The following ATP5PB variants were observed in gnomAD, a reference collection of about 807,000 sequenced individuals.
ATP5PB encodes ATP synthase peripheral stalk-membrane subunit b, also known as ATP synthase peripheral stalk subunit b, mitochondrial.
In ATP5PB, 21 loss-of-function variants were observed where a neutral mutation model predicts 34.5. The ratio of observed to expected loss-of-function variants is 0.61; its 90% confidence interval spans 0.43 to 0.88. ATP5PB has a LOEUF of 0.88. Ranked by LOEUF, ATP5PB falls within the 40% of genes least tolerant of loss-of-function variation. ATP5PB has a pLI of 0.00. For missense variants in ATP5PB, 293 were observed against 317.4 expected (o/e 0.92, Z 0.58); for synonymous variants, 108 against 114.1 (o/e 0.95, Z 0.34).
chr1:111,459,512 A>G lies in ATP5PB; in HGVS notation c.569A>G (p.Tyr190Cys). 6.2e-7 allele frequency: 1 copy of G among 1,613,974 alleles called. No homozygotes were observed. The highest frequency in any genetic ancestry group is 8.5e-7 in the Non-Finnish European group (1 of 1,179,854). The change falls in exon 6 of 7, where the codon TAT becomes TGT. Residue 190 changes from tyrosine to cysteine, a missense_variant. Tyr to Cys is a radical substitution (Grantham distance 194). Transcript: ENST00000369722. ...VTYRERLYRV[Y>C]KEVKNRLDYH... is the part of the protein sequence containing the mutation. Reference sequence around the variant, plus strand: ...TACCGGGAACGACTGTATAGAGTATATAAGGAAGTAAAGAATCGCCTGGAC... The same window carrying G: ...TACCGGGAACGACTGTATAGAGTATGTAAGGAAGTAAAGAATCGCCTGGAC...
chr1:111,450,995 C>T (rs1300775604), intron 2 of ATP5PB, among the ~76,000 whole-genome samples: 2 of 152,182 alleles, frequency 1.3e-5, no homozygotes, highest in Admixed American at 6.5e-5. Context: ...CTTCCACTAC[C>T]GCTAAAGTAG....
Position 111,454,280 on chromosome 1 carries a change from A to G in ATP5PB, c.147A>G (p.Glu49=). The G allele has an allele frequency of 6.2e-7, 1 of 1,613,556 alleles. No individual in the cohort carries two copies. Among genetic ancestry groups the G allele is most frequent in the Non-Finnish European group, 8.5e-7 (1 of 1,179,846 alleles). The change falls in exon 3 of 7, where the codon GAA becomes GAG. Residue 49 remains glutamate (E), a synonymous_variant. Transcript: ENST00000369722. ...PHLVPVPPLP[E]YGGKVRYGLI... is the part of the protein sequence containing the mutation. The stretch of plus-strand genomic sequence containing the variant: ...TTGTCCCTGTACCACCTCTTCCTGA[A>G]TACGGAGGAAAAGTTCGTTATGGAC...
At chr1:111,457,892 A>G (rs1379821215) in intron 5 of ATP5PB, among the ~76,000 whole-genome samples, 2 of 152,246 alleles carry the variant, frequency 1.3e-5, no homozygotes, top group African/African-American at 4.8e-5. Context: ...GTATATACAC[A>G]CACGTGAATG....
At chr1:111,451,956 A>T (rs116296122) in intron 2 of ATP5PB, among the ~76,000 whole-genome samples, 2,019 of 152,226 alleles carry the variant, frequency 0.013, 35 homozygotes, top group African/African-American at 0.046. Flanking sequence ...AAAAATTTTT[A>T]AAAATTTTTT....
In ATP5PB at chr1:111,456,103, A is replaced by G. The variant is rs1653465746; in HGVS notation, c.241A>G (p.Thr81Ala). 7 of 1,597,584 alleles carry G rather than the reference A, an allele frequency of 4.4e-6. No individual in the cohort carries two copies. ...TGVTGPYVLG[T>A]GLILYALSKE... is the part of the protein sequence containing the mutation. ...TCTTTTAGGACCCTATGTACTCGGA[A>G]CTGGGCTTATCTTGTACGCTTTATC... The change falls in exon 4 of 7, where the codon ACT becomes GCT. Residue 81 changes from threonine to alanine, a missense_variant. Thr to Ala is a moderately conservative substitution (Grantham distance 58). Transcript: ENST00000369722.
At chr1:111,452,134 AT>A (rs1370414583) in intron 2 of ATP5PB, among the ~76,000 whole-genome samples, 1 of 150,200 alleles carries the variant, frequency 6.7e-6, no homozygotes. Context: ...AAAAAAAAAA[AT>A]GACAGGTACT....
intron 2 of ATP5PB, among the ~76,000 whole-genome samples, chr1:111,450,161 C>T (rs1557798434): frequency 6.6e-6 from 1 of 152,166 alleles, no homozygotes; most frequent in African/African-American, 2.4e-5. Flanking sequence ...CCCTTGGGAC[C>T]TTATGACATG....
At chr1:111,456,463 A>G (rs1158524411) in intron 4 of ATP5PB, among the ~76,000 whole-genome samples, 167 bp from the exon 5 acceptor site, 3 of 152,208 alleles carry the variant, frequency 2.0e-5, no homozygotes, top group Admixed American at 6.5e-5. Flanking sequence ...AAGATATTCT[A>G]TAGTTATTAT....
At chr1:111,459,901 A>G (rs1005156938) in intron 6 of ATP5PB, among the ~76,000 whole-genome samples, 1 of 152,190 alleles carries the variant, frequency 6.6e-6, no homozygotes, top group Non-Finnish European at 1.5e-5. Context: ...ACGGTGGCTC[A>G]CACCTGTAAT....
chr1:111,462,649 G>C lies in ATP5PB; in HGVS notation c.*1655G>C, dbSNP rs1653655544. The stretch of plus-strand genomic sequence containing the variant: ...CTAAGATTTTATGTAATAATCATTT[G>C]AGTCAATATTGGTAGCTAATGTACT... On this transcript the variant is annotated 3_prime_UTR_variant, in exon 7 of 7. Coordinates refer to ENST00000369722, the MANE Select transcript of ATP5PB (RefSeq NM_001688.5). 6.6e-6 allele frequency: 1 copy of C among 152,296 alleles called. No individual in the cohort carries two copies. Among genetic ancestry groups the C allele is most frequent in the South Asian group, 2.1e-4 (1 of 4,828 alleles). The allele number at this position is 152,296 out of a possible 1,614,324, so 9.4% of individuals were successfully genotyped here.
At chr1:111,454,181 G>T (rs755383616) in intron 2 of ATP5PB, 30 bp from the exon 3 acceptor site, 6 of 1,531,318 alleles carry the variant, frequency 3.9e-6, no homozygotes, top group Admixed American at 4.6e-5. Flanking sequence ...AAAGAAACAG[G>T]CTTTACATTT....
chr1:111,456,899 G>A lies in ATP5PB; in HGVS notation c.513+144G>A, dbSNP rs754625053. ...GATTTGTGTAGGAGTTGGCATTCAC[G>A]GCTATTCAAACATTTAAGAACTGTC... On this transcript the variant is annotated intron_variant, in intron 5 of 6. Transcript: ENST00000369722. 4.5e-5 allele frequency: 46 copies of A among 1,029,798 alleles called. 1 individual carries two copies. The highest frequency in any genetic ancestry group is 5.5e-5 in the Non-Finnish European group (42 of 763,008). 63.8% of individuals were successfully genotyped at this position (1,029,798 alleles called of 1,614,324 possible).
At position 111,449,475 on chromosome 1, in the gene ATP5PB, T is replaced by C. The variant is rs776626095; in HGVS notation, c.-67T>C. On this transcript the variant is annotated 5_prime_UTR_variant, in exon 1 of 7. Transcript: ENST00000369722. ...GACTTGTGAGCGGCCATCTTGGTCC[T>C]GCCCTGACAGATTCTCCTATCGGGG... is the stretch of plus-strand genomic sequence containing the variant. The C allele has an allele frequency of 4.3e-6, 7 of 1,614,120 alleles. No homozygotes were observed. The highest frequency in any genetic ancestry group is 5.1e-6 in the Non-Finnish European group (6 of 1,180,044).
chr1:111,458,956 G>A (rs1306590949), intron 5 of ATP5PB, among the ~76,000 whole-genome samples: 2 of 152,140 alleles, frequency 1.3e-5, no homozygotes, highest in South Asian at 2.1e-4. Flanking sequence ...AGTGTTTAGA[G>A]TGTAGTCAGT....
At position 111,461,273 on chromosome 1, in the gene ATP5PB, A is replaced by T. The variant is rs532160227; in HGVS notation, c.*279A>T. On this transcript the variant is annotated 3_prime_UTR_variant, in exon 7 of 7. Transcript: ENST00000369722. ...CTGCCTGACTAAAGATTAACAGGTTATAGTTTAAATTTGTAATTAATTCTA... is the reference window on the plus strand; with the variant it reads ...CTGCCTGACTAAAGATTAACAGGTTTTAGTTTAAATTTGTAATTAATTCTA... The T allele has an allele frequency of 1.5e-3, 370 of 245,632 alleles. No individual in the cohort carries two copies. The highest frequency in any genetic ancestry group is 2.4e-3 in the Non-Finnish European group (301 of 125,066). 15.2% of individuals were successfully genotyped at this position (245,632 alleles called of 1,614,324 possible). A position where few individuals can be genotyped will look rare whatever the true frequency, so the allele number is the denominator to read the frequency against.
chr1:111,458,623 TAGG>T (rs1653534168), intron 5 of ATP5PB, among the ~76,000 whole-genome samples: 1 of 143,576 alleles, frequency 7.0e-6, no homozygotes, highest in Non-Finnish European at 1.5e-5. Context: ...ATAAAGACCT[TAGG>T]CTCCTATAAG....
At chr1:111,455,238 A>C (rs896205461) in intron 3 of ATP5PB, among the ~76,000 whole-genome samples, 1 of 152,164 alleles carries the variant, frequency 6.6e-6, no homozygotes, top group Non-Finnish European at 1.5e-5. Flanking sequence ...AGACGTCCAT[A>C]GGTGATAACA....
chr1:111,451,616 G>C lies in ATP5PB; in HGVS notation c.77+1743G>C, dbSNP rs993476988. Among the ~76,000 whole-genome samples the C allele has an allele frequency of 4.6e-5, 7 of 152,264 alleles. No homozygotes were observed. The East Asian group carries it at 9.6e-4, about 21-fold the overall frequency. ...TGAATGTTAGCCCAAAATGGGGGGA[G>C]GGCTTTACAAATCTGGAGGCTAATT... On this transcript the variant is annotated intron_variant, in intron 2 of 6. Transcript: ENST00000369722.
rs544365663 is a variant in ATP5PB, at chr1:111,452,849, A to G, written c.78-1362A>G. On this transcript the variant is annotated intron_variant, in intron 2 of 6. Transcript: ENST00000369722. ...GTATAAAGGCCACAAAGATACTGCC[A>G]GACATTCTACAATGCACAGAACAAC... Among the ~76,000 whole-genome samples, 3 of 152,358 alleles carry G rather than the reference A, an allele frequency of 2.0e-5. No individual in the cohort carries two copies. The East Asian group carries it at 5.8e-4, about 29-fold the overall frequency.
Sources: allele counts gnomAD v4.1 joint callset (sites outside exome capture counted in the v4.1 genomes callset), GRCh38; gene constraint gnomAD v4.1.1; transcripts MANE v1.5; gene names NCBI Gene and HGNC (gene_info 2026-07-23, HGNC 2026-07-21).